ZFYVE9: variants seen among roughly 807,000 people sequenced by gnomAD.
The protein encoded by ZFYVE9 is zinc finger FYVE domain-containing protein 9.
In ZFYVE9, 43 loss-of-function variants were observed where a neutral mutation model predicts 126.7. The ratio of observed to expected loss-of-function variants is 0.34; its 90% CI spans 0.27 to 0.44. The LOEUF is 0.44. ZFYVE9 is among the 20% of genes least tolerant of loss of function. The pLI is 1.00. For synonymous variants in ZFYVE9, 521 were observed against 597.4 expected (o/e 0.87, Z 1.87); for missense variants, 1,476 against 1,697.0 (o/e 0.87, Z 2.29).
At chr1:52,297,343 G>C (rs1318146654) in intron 12 of ZFYVE9, among the ~76,000 whole-genome samples, 1 of 151,278 alleles carries the variant, frequency 6.6e-6, no homozygotes, top group East Asian at 2.0e-4. Flanking sequence ...GTTCAAGAGA[G>C]TCTCCTGCTT....
At chr1:52,194,163 A>AG (rs1353840607) in intron 1 of ZFYVE9, among the ~76,000 whole-genome samples, 2 of 152,196 alleles carry the variant, frequency 1.3e-5, no homozygotes, top group African/African-American at 4.8e-5. Context: ...TCATTGAGTG[A>AG]GAAAAACAAG....
intron 1 of ZFYVE9, chr1:52,180,576 C>T (rs1407150): frequency 1.6e-6 from 1 of 623,128 alleles, no homozygotes; most frequent in Non-Finnish European, 2.9e-6. Flanking sequence ...CTATCACTTT[C>T]TTGTGACAAA....
chr1:52,276,523 A>C (rs923193503), intron 8 of ZFYVE9, among the ~76,000 whole-genome samples: 1 of 152,144 alleles, frequency 6.6e-6, no homozygotes, highest in Non-Finnish European at 1.5e-5. Flanking sequence ...AACTACACCT[A>C]CTTAAAAGTC....
intron 1 of ZFYVE9, among the ~76,000 whole-genome samples, chr1:52,151,489 G>GT (rs1644355876): frequency 6.6e-6 from 1 of 150,982 alleles, no homozygotes; most frequent in African/African-American, 2.4e-5. Flanking sequence ...ATCTTGTCCT[G>GT]TGTCTATGTG....
intron 8 of ZFYVE9, among the ~76,000 whole-genome samples, chr1:52,277,059 C>T (rs1005472146): frequency 1.3e-5 from 2 of 152,136 alleles, no homozygotes; most frequent in African/African-American, 4.8e-5. Flanking sequence ...GCTTCTTTAC[C>T]AGGACCCTGT....
intron 14 of ZFYVE9, among the ~76,000 whole-genome samples, chr1:52,333,358 T>C (rs962384136): frequency 9.2e-5 from 14 of 151,806 alleles, no homozygotes; most frequent in Non-Finnish European, 1.5e-4. Context: ...AAGGCACGAC[T>C]AGGCCCCATA....
intron 2 of ZFYVE9, among the ~76,000 whole-genome samples, chr1:52,221,566 C>T (rs1645124805): frequency 6.6e-6 from 1 of 152,072 alleles, no homozygotes; most frequent in Admixed American, 6.6e-5. Context: ...GAGGTTTCCC[C>T]CAAAGGTTAT....
chr1:52,248,395 T>C (rs1228191156), intron 4 of ZFYVE9, among the ~76,000 whole-genome samples: 1 of 152,218 alleles, frequency 6.6e-6, no homozygotes, highest in Non-Finnish European at 1.5e-5. Context: ...CTGCCTGCTT[T>C]GTTTTAGTGC....
At chr1:52,334,362 C>T (rs1646370729) in intron 14 of ZFYVE9, among the ~76,000 whole-genome samples, 1 of 152,134 alleles carries the variant, frequency 6.6e-6, no homozygotes, top group Admixed American at 6.5e-5. Context: ...ATTTTATTTA[C>T]AAAAGCAGGC....
intron 10 of ZFYVE9, among the ~76,000 whole-genome samples, chr1:52,287,183 G>A (rs901433381): frequency 2.0e-5 from 3 of 152,002 alleles, no homozygotes; most frequent in Non-Finnish European, 2.9e-5. Flanking sequence ...TCTGCCTCCC[G>A]GGTTCAAGTG....
chr1:52,187,430 C>G (rs1306914267), intron 1 of ZFYVE9, among the ~76,000 whole-genome samples: 1 of 152,108 alleles, frequency 6.6e-6, no homozygotes, highest in Non-Finnish European at 1.5e-5. Context: ...ATGAAGACAC[C>G]AAAAGCCATT....
intron 10 of ZFYVE9, among the ~76,000 whole-genome samples, chr1:52,282,347 T>C (rs1460499249): frequency 6.6e-6 from 1 of 152,164 alleles, no homozygotes; most frequent in Non-Finnish European, 1.5e-5. Flanking sequence ...AAGAAACACA[T>C]TATTTGACAT....
At position 52,293,692 on chromosome 1, in the gene ZFYVE9, C is replaced by T. The variant is rs1645946999; in HGVS notation, c.3250+15C>T. Reference sequence around the variant, plus strand: ...TGAATATCGACGTAAGTAGTAAAAACACGTTTTTCAAGGCATGATGACTAA... The same window carrying T: ...TGAATATCGACGTAAGTAGTAAAAATACGTTTTTCAAGGCATGATGACTAA... On this transcript the variant is annotated intron_variant, in intron 11 of 18. Transcript: ENST00000287727. The T allele has an allele frequency of 6.2e-7, 1 of 1,609,156 alleles. No homozygotes were observed. Among genetic ancestry groups the T allele is most frequent in the African/African-American group, 1.3e-5 (1 of 74,772 alleles).
At chr1:52,179,856 C>A in intron 1 of ZFYVE9, 1 of 695,302 alleles carries the variant, frequency 1.4e-6, no homozygotes, top group South Asian at 1.5e-5. Flanking sequence ...ATGCAGGACC[C>A]CAACGCAGAC....
At position 52,295,917 on chromosome 1, in the gene ZFYVE9, T is replaced by C. The variant is rs75170007; in HGVS notation, c.3273T>C (p.Ser1091=). Residue 1091 remains serine, a synonymous_variant, in exon 12 of 19, where the codon AGT becomes AGC. Transcript: ENST00000287727. Reference sequence around the variant, plus strand: ...TAGTTTATCCATGCCCACTATTCAGTGTCAGATTTCGGAAGCCATTGTTTG... The same window carrying C: ...TAGTTTATCCATGCCCACTATTCAGCGTCAGATTTCGGAAGCCATTGTTTG... ...EYRLYPCPLF[S]VRFRKPLFGE... is the part of the protein sequence containing the mutation. 1,135 of 1,613,776 alleles carry C rather than the reference T, an allele frequency of 7.0e-4. 10 individuals are homozygous for C. The African/African-American group carries it at 0.014, about 19-fold the overall frequency.
intron 1 of ZFYVE9, among the ~76,000 whole-genome samples, chr1:52,175,564 TG>T (rs1644618292): frequency 6.6e-6 from 1 of 151,148 alleles, no homozygotes; most frequent in Admixed American, 6.6e-5. Context: ...CTTGCTAGAT[TG>T]GGGAAGTTCT....
chr1:52,281,835 T>C lies in ZFYVE9; in HGVS notation c.3025+19T>C, dbSNP rs779928780. 1.2e-6 allele frequency: 2 copies of C among 1,613,914 alleles called. No individual in the cohort carries two copies. Among genetic ancestry groups the C allele is most frequent in the Admixed American group, 3.3e-5 (2 of 59,954 alleles). Reference sequence around the variant, plus strand: ...CTGGCAGGTAGGAATGCTTTATGACTTAGTCTGCTCCCTTTGTAGATGACA... The same window carrying C: ...CTGGCAGGTAGGAATGCTTTATGACCTAGTCTGCTCCCTTTGTAGATGACA... On this transcript the variant is annotated intron_variant, in intron 10 of 18. Transcript: ENST00000287727.
chr1:52,212,051 G>A (rs1432356982), intron 1 of ZFYVE9, among the ~76,000 whole-genome samples: 3 of 152,104 alleles, frequency 2.0e-5, no homozygotes, highest in East Asian at 3.8e-4. Context: ...TTAGTCTTCT[G>A]TTATACATCC....
At chr1:52,317,155 A>G (rs1322059797) in intron 13 of ZFYVE9, among the ~76,000 whole-genome samples, 1 of 152,206 alleles carries the variant, frequency 6.6e-6, no homozygotes, top group Non-Finnish European at 1.5e-5. Context: ...AAATGAAAAC[A>G]TGAGATATAA....
Sources: gnomAD v4.1 joint callset for allele counts (sites outside exome capture counted in the v4.1 genomes callset) on GRCh38, gnomAD v4.1.1 for gene constraint, MANE v1.5 for transcripts, NCBI Gene and HGNC (gene_info 2026-07-23, HGNC 2026-07-21) for gene names.